Variants in LRRC36 observed in about 807,000 individuals in gnomAD.
LRRC36 encodes leucine rich repeat containing 36, also known as leucine-rich repeat-containing protein 36.
LRRC36 carries 62 observed loss-of-function variants against 81.1 expected under a neutral mutation model. The observed-to-expected ratio is 0.76, with a 90% confidence interval of 0.62 to 0.94. The LOEUF is 0.94. Ranked by LOEUF, LRRC36 falls within the 40% of genes least tolerant of loss-of-function variation. The pLI is 0.00. For synonymous variants in LRRC36, 334 were observed against 348.6 expected, an observed-to-expected ratio of 0.96 and a Z score of 0.47; for missense variants, 761 against 881.7, an observed-to-expected ratio of 0.86 and a Z score of 1.73.
At position 67,326,912 on chromosome 16, in the gene LRRC36, C is replaced by G. The variant is rs757288646; in HGVS notation, c.50C>G (p.Ala17Gly). ...GAGGAAGGCATTCGCCGCCTGGGGG[C>G]GCTGACGCTGGAGCAGCCGGGTAGG... ...LDEEGIRRLGALTLEQPELVE... is the reference protein window; with the variant it reads ...LDEEGIRRLGGLTLEQPELVE... Residue 17 changes from alanine to glycine, a missense_variant, in exon 1 of 14, where the codon GCG becomes GGG. Around this residue, in one of 3 missense-constraint regions of LRRC36, gnomAD observed 263 missense variants for 279.3 expected, o/e 0.94. Transcript: ENST00000329956. 6.7e-7 allele frequency: 1 copy of G among 1,484,948 alleles called. No individual in the cohort carries two copies. Among genetic ancestry groups the G allele is most frequent in the Non-Finnish European group, 8.9e-7 (1 of 1,129,198 alleles). The allele number at this position is 1,484,948 out of a possible 1,614,324, so 92.0% of individuals were successfully genotyped here.
At chr16:67,336,338 C>T (rs908498009) in intron 1 of LRRC36, among the ~76,000 whole-genome samples, 15 of 152,272 alleles carry the variant, frequency 9.9e-5, no homozygotes, top group African/African-American at 3.4e-4. Flanking sequence ...AAAGTTTCAA[C>T]TTGCTTGAGT....
chr16:67,373,256 T>TA (rs1162382274), intron 9 of LRRC36, among the ~76,000 whole-genome samples: 1 of 152,202 alleles, frequency 6.6e-6, no homozygotes, highest in African/African-American at 2.4e-5. Context: ...TAGACGATCT[T>TA]AAAAGCTCCT....
intron 2 of LRRC36, among the ~76,000 whole-genome samples, chr16:67,343,975 C>T (rs905062154): frequency 6.6e-6 from 1 of 151,868 alleles, no homozygotes; most frequent in Non-Finnish European, 1.5e-5. Flanking sequence ...CACCACCACA[C>T]CCAGCTAATT....
chr16:67,347,225 T>G, intron 3 of LRRC36: 2 of 387,574 alleles, frequency 5.2e-6, no homozygotes, highest in Non-Finnish European at 9.3e-6. Context: ...AGCCCTAACA[T>G]TAGGCCTTTG....
intron 5 of LRRC36, among the ~76,000 whole-genome samples, chr16:67,355,597 AT>A (rs1323027251): frequency 6.6e-6 from 1 of 151,544 alleles, no homozygotes; most frequent in East Asian, 1.9e-4. Flanking sequence ...GATGGTCTCG[AT>A]CTCCTGACCT....
chr16:67,343,391 A>G (rs976566018), intron 2 of LRRC36, among the ~76,000 whole-genome samples: 1 of 151,808 alleles, frequency 6.6e-6, no homozygotes, highest in Admixed American at 6.6e-5. Context: ...TGAGACCCCT[A>G]TCTCTATTTT....
At chr16:67,358,553 A>G (rs1223856220) in intron 5 of LRRC36, among the ~76,000 whole-genome samples, 2 of 144,862 alleles carry the variant, frequency 1.4e-5, no homozygotes, top group African/African-American at 2.6e-5. Flanking sequence ...AGGTCTTGCT[A>G]TGTTGCCCAG....
In LRRC36 at chr16:67,339,259, T is replaced by TAA. The variant is rs57925409; in HGVS notation, c.71-2682_71-2681dup. Among the ~76,000 whole-genome samples the TAA allele has an allele frequency of 7.0e-3, 856 of 122,984 alleles. 8 individuals are homozygous for TAA. Among genetic ancestry groups the TAA allele is most frequent in the African/African-American group, 0.023 (789 of 34,600 alleles). 80.7% of individuals were successfully genotyped at this position (122,984 alleles called of 152,430 possible). On this transcript the variant is annotated intron_variant, in intron 1 of 13. Transcript: ENST00000329956. ...ACCATAAGTGTAAATGTTAATACTG[T>TAA]AAAAAAAAAAAAAAAAAGGCAATTA...
chr16:67,341,767 T>C (rs112973491), intron 1 of LRRC36, among the ~76,000 whole-genome samples, 190 bp from the exon 2 acceptor site: 1 of 152,160 alleles, frequency 6.6e-6, no homozygotes, highest in Non-Finnish European at 1.5e-5. Context: ...TCAAGGGCTC[T>C]ATAAAACTAA....
intron 6 of LRRC36, 43 bp from the exon 7 acceptor site, chr16:67,365,261 G>A (rs749919249): frequency 3.4e-5 from 45 of 1,342,478 alleles, no homozygotes; most frequent in Non-Finnish European, 3.9e-5. Context: ...ACATTTGAAC[G>A]CGCATGGACT....
At chr16:67,339,041 T>C (rs898023420) in intron 1 of LRRC36, among the ~76,000 whole-genome samples, 14 of 151,264 alleles carry the variant, frequency 9.3e-5, no homozygotes, top group Admixed American at 2.6e-4. Context: ...ATCACAGGCA[T>C]GTGCCACCAT....
At position 67,354,182 on chromosome 16, in the gene LRRC36, T is replaced by C. The variant is rs115212073; in HGVS notation, c.577+3892T>C. ...AATAGTCCTTCCTTTCTCCCTCCTC[T>C]GTCCCTAAACTAATGCTGTCCCCCT... On this transcript the variant is annotated intron_variant, in intron 5 of 13. Transcript: ENST00000329956. Among the ~76,000 whole-genome samples the C allele has an allele frequency of 2.0e-3, 301 of 152,240 alleles. 2 individuals are homozygous for C. The highest frequency in any genetic ancestry group is 6.9e-3 in the African/African-American group (288 of 41,554).
At chr16:67,378,566 G>A in intron 11 of LRRC36, 23 bp from the exon 12 acceptor site, 1 of 1,611,270 alleles carries the variant, frequency 6.2e-7, no homozygotes, top group Non-Finnish European at 8.5e-7. Context: ...TAATGTATTT[G>A]TATTTTGTTT....
intron 5 of LRRC36, among the ~76,000 whole-genome samples, chr16:67,360,986 TG>T (rs2039117772): frequency 6.6e-6 from 1 of 152,198 alleles, no homozygotes; most frequent in Admixed American, 6.5e-5. Flanking sequence ...CGTTAATAAA[TG>T]TATTGATCAA....
Position 67,350,200 on chromosome 16 carries a change from A to G in LRRC36, c.489-2A>G, listed in dbSNP as rs779869185. ...TTGTAAATAAATTATTCTATGTGGC[A>G]GCTCTAGGGAGAAGACAATGAAAAA... On this transcript the variant is annotated splice_acceptor_variant, in intron 4 of 13. Coordinates refer to ENST00000329956, the MANE Select transcript of LRRC36 (RefSeq NM_018296.6). LOFTEE classifies it high-confidence loss of function. 16 of 1,583,948 alleles carry G rather than the reference A, an allele frequency of 1.0e-5. No homozygotes were observed. Among genetic ancestry groups the G allele is most frequent in the Middle Eastern group, 1.7e-4 (1 of 5,928 alleles).
chr16:67,347,522 G>GA lies in LRRC36; in HGVS notation c.423dup (p.Ala142SerfsTer7), dbSNP rs1286517077. The GA allele has an allele frequency of 6.2e-7, 1 of 1,613,214 alleles. No individual in the cohort carries two copies. Among genetic ancestry groups the GA allele is most frequent in the Non-Finnish European group, 8.5e-7 (1 of 1,179,398 alleles). On this transcript the variant is annotated frameshift_variant, in exon 4 of 14. Transcript: ENST00000329956. LOFTEE classifies it high-confidence loss of function. The stretch of plus-strand genomic sequence containing the variant: ...GACCGAACTGTACGTGAAGGTGAGA[G>GA]AAAAGCTGCCAAGCTGCATTTTAGT...
chr16:67,341,527 C>G (rs906129017), intron 1 of LRRC36, among the ~76,000 whole-genome samples: 5 of 151,698 alleles, frequency 3.3e-5, no homozygotes, highest in Admixed American at 2.6e-4. Flanking sequence ...TATTTTTCTG[C>G]TGATGGACCT....
rs149596452 is a variant in LRRC36, at chr16:67,327,835, C to T, written c.70+903C>T. ...AAGCAATGGCCAACTGTGCCAAATG[C>T]TATTGACAGGCTGAGCAACTTAAAT... On this transcript the variant is annotated intron_variant, in intron 1 of 13. Transcript: ENST00000329956. Among the ~76,000 whole-genome samples, 1,023 of 152,206 alleles carry T rather than the reference C, an allele frequency of 6.7e-3. 12 individuals carry two copies. Among genetic ancestry groups the T allele is most frequent in the Middle Eastern group, 0.02 (6 of 294 alleles).
chr16:67,347,533 A>C lies in LRRC36; in HGVS notation c.430A>C (p.Lys144Gln). The C allele has an allele frequency of 6.2e-7, 1 of 1,613,302 alleles. No individual in the cohort carries two copies. The highest frequency in any genetic ancestry group is 8.5e-7 in the Non-Finnish European group (1 of 1,179,340). Residue 144 changes from lysine to glutamine, a missense_variant, in exon 4 of 14, where the codon AAG becomes CAG. Lys to Gln is a moderately conservative substitution (Grantham distance 53). Around this residue, in one of 3 missense-constraint regions of LRRC36, gnomAD observed 263 missense variants for 279.3 expected, o/e 0.94. Coordinates refer to ENST00000329956, the MANE Select transcript of LRRC36 (RefSeq NM_018296.6). ...TVREGERKAA[K>Q]LHFSQLGNSE... is the part of the protein sequence containing the mutation. ...ACGTGAAGGTGAGAGAAAAGCTGCCAAGCTGCATTTTAGTCAGTTGGGCAA... is the reference window on the plus strand; with the variant it reads ...ACGTGAAGGTGAGAGAAAAGCTGCCCAGCTGCATTTTAGTCAGTTGGGCAA...
Sources: gnomAD v4.1 joint callset for allele counts (sites outside exome capture counted in the v4.1 genomes callset) on GRCh38, gnomAD v4.1.1 for gene constraint, gnomAD v4.1.1 regional missense constraint, MANE v1.5 for transcripts, NCBI Gene and HGNC (gene_info 2026-07-23, HGNC 2026-07-21) for gene names.